ARHGAP24: variants seen among roughly 807,000 people sequenced by gnomAD.
ARHGAP24 encodes Rho GTPase activating protein 24, also known as rho GTPase-activating protein 24.
A neutral mutation model predicts 76.4 loss-of-function variants in ARHGAP24; 50 were observed. The observed-to-expected ratio is 0.65, with a 90% CI of 0.52 to 0.83. The LOEUF is 0.83. ARHGAP24 is among the 40% of genes least tolerant of loss of function. ARHGAP24 has a pLI of 0.00. For synonymous variants in ARHGAP24, 345 were observed against 323.3 expected (o/e 1.07, Z -0.72); for missense variants, 930 against 914.2 (o/e 1.02, Z -0.22).
At chr4:85,798,138 A>T (rs79982662) in intron 3 of ARHGAP24, among the ~76,000 whole-genome samples, 1,528 of 152,304 alleles carry the variant, frequency 0.01, 29 homozygotes, top group African/African-American at 0.034. Flanking sequence ...AAGTTGCAAG[A>T]TATAACTTCT....
chr4:85,841,553 T>TAGCAGTAGTA (rs1400444319), intron 3 of ARHGAP24, among the ~76,000 whole-genome samples: 2 of 152,250 alleles, frequency 1.3e-5, no homozygotes, highest in African/African-American at 2.4e-5. Flanking sequence ...TATCATTATA[T>TAGCAGTAGTA]TTTACTATAG....
intron 2 of ARHGAP24, among the ~76,000 whole-genome samples, chr4:85,620,494 A>T (rs1156659084): frequency 6.6e-6 from 1 of 151,694 alleles, no homozygotes. Context: ...TTTCGGTTGT[A>T]ATGTAGTTTC....
intron 4 of ARHGAP24, among the ~76,000 whole-genome samples, chr4:85,927,823 C>G (rs1019875958): frequency 1.2e-4 from 18 of 152,118 alleles, no homozygotes; most frequent in Non-Finnish European, 2.6e-4. Flanking sequence ...ATTCAGGTTG[C>G]ACATATATGC....
intron 3 of ARHGAP24, among the ~76,000 whole-genome samples, chr4:85,889,446 A>G (rs1183742157): frequency 6.6e-6 from 1 of 152,352 alleles, no homozygotes; most frequent in Middle Eastern, 3.4e-3. Flanking sequence ...CTCAATAAAC[A>G]TGAGCTGTTA....
chr4:85,977,819 G>T, intron 8 of ARHGAP24, 128 bp downstream of exon 8: 2 of 1,145,578 alleles, frequency 1.7e-6, no homozygotes, highest in Non-Finnish European at 2.5e-6. Context: ...TTTATTAACT[G>T]AAGTTCTTTA....
At chr4:85,497,270 CTAGAGA>C (rs1723619612) in intron 1 of ARHGAP24, among the ~76,000 whole-genome samples, 1 of 152,246 alleles carries the variant, frequency 6.6e-6, no homozygotes, top group East Asian at 1.9e-4. Context: ...TTGGTGAGAC[CTAGAGA>C]TAAAGTTTCA....
intron 3 of ARHGAP24, among the ~76,000 whole-genome samples, chr4:85,844,704 A>C (rs936601332): frequency 5.3e-5 from 8 of 152,214 alleles, no homozygotes; most frequent in African/African-American, 1.7e-4. Flanking sequence ...GTTTTAAATA[A>C]TTTGCTTGGT....
intron 3 of ARHGAP24, among the ~76,000 whole-genome samples, chr4:85,916,722 A>C (rs1284441697): frequency 6.6e-6 from 1 of 152,176 alleles, no homozygotes; most frequent in East Asian, 1.9e-4. Flanking sequence ...GTATTCACTG[A>C]AATGTCCTCA....
At chr4:85,623,676 A>G (rs6831371) in intron 2 of ARHGAP24, among the ~76,000 whole-genome samples, 1 of 150,862 alleles carries the variant, frequency 6.6e-6, no homozygotes, top group East Asian at 1.9e-4. Context: ...ATAAATTACC[A>G]TGGGCAGTAT....
intron 3 of ARHGAP24, among the ~76,000 whole-genome samples, chr4:85,770,112 C>G (rs937642866): frequency 1.3e-5 from 2 of 152,164 alleles, no homozygotes; most frequent in African/African-American, 4.8e-5. Flanking sequence ...TTTTCTGAAC[C>G]ACATTTGTGT....
At chr4:85,808,913 G>A (rs191416523) in intron 3 of ARHGAP24, among the ~76,000 whole-genome samples, 4 of 152,230 alleles carry the variant, frequency 2.6e-5, no homozygotes, top group African/African-American at 9.6e-5. Flanking sequence ...CAGAAAACAA[G>A]CTCTGTGTTA....
chr4:85,704,750 T>C (rs995854919), intron 2 of ARHGAP24, among the ~76,000 whole-genome samples: 1 of 152,198 alleles, frequency 6.6e-6, no homozygotes, highest in African/African-American at 2.4e-5. Context: ...TTCATTTTTG[T>C]TAACTTATAT....
rs1013821929 is a variant in ARHGAP24 at position 85,848,136 on chromosome 4, T to C, written c.269-75512T>C. 3.3e-5 allele frequency among the ~76,000 whole-genome samples: 5 copies of C among 151,376 alleles called. No homozygotes were observed. The Admixed American group carries it at 3.3e-4, about 10-fold the overall frequency. ...ATAAAATGCCTCCCATTTGTTAATA[T>C]GAGATACAAAGTAGCCAAATTGTAT... is the stretch of plus-strand genomic sequence containing the variant. On this transcript the variant is annotated intron_variant, in intron 3 of 9. Coordinates refer to ENST00000395184, the MANE Select transcript of ARHGAP24 (RefSeq NM_001025616.3).
intron 1 of ARHGAP24, among the ~76,000 whole-genome samples, chr4:85,516,213 C>G (rs930054540): frequency 6.6e-6 from 1 of 152,202 alleles, no homozygotes; most frequent in Non-Finnish European, 1.5e-5. Context: ...GAAGGAAGGT[C>G]TCTTATCCAG....
intron 5 of ARHGAP24, among the ~76,000 whole-genome samples, chr4:85,945,884 T>A (rs1737237031): frequency 6.6e-6 from 1 of 152,152 alleles, no homozygotes; most frequent in South Asian, 2.1e-4. Flanking sequence ...AATTTACTAT[T>A]CTGTATTGGT....
intron 3 of ARHGAP24, among the ~76,000 whole-genome samples, chr4:85,920,099 C>T (rs1735643216): frequency 6.6e-6 from 1 of 152,162 alleles, no homozygotes; most frequent in Non-Finnish European, 1.5e-5. Flanking sequence ...ATCCCTGTTA[C>T]TATTGACTAA....
chr4:85,729,809 TTATTCTTTA>T (rs1434423190), intron 3 of ARHGAP24, among the ~76,000 whole-genome samples: 1 of 152,200 alleles, frequency 6.6e-6, no homozygotes, highest in Admixed American at 6.5e-5. Context: ...ATCAGAAATA[TTATTCTTTA>T]TTTTTTTCCA....
intron 2 of ARHGAP24, among the ~76,000 whole-genome samples, chr4:85,574,700 T>G (rs1286331245): frequency 6.6e-6 from 1 of 152,246 alleles, no homozygotes; most frequent in Non-Finnish European, 1.5e-5. Flanking sequence ...AGTTGTTTCC[T>G]AATACATTGA....
At chr4:85,653,519 G>A (rs1722025075) in intron 2 of ARHGAP24, among the ~76,000 whole-genome samples, 1 of 152,044 alleles carries the variant, frequency 6.6e-6, no homozygotes, top group Admixed American at 6.6e-5. Context: ...TGTCACCCAG[G>A]CTGGAGTGCA....
Sources: gnomAD v4.1 joint callset for allele counts (sites outside exome capture counted in the v4.1 genomes callset) on GRCh38, gnomAD v4.1.1 for gene constraint, MANE v1.5 for transcripts, NCBI Gene and HGNC (gene_info 2026-07-23, HGNC 2026-07-21) for gene names.